Variants in PTPRF observed in about 807,000 individuals in gnomAD.
The protein encoded by PTPRF is receptor-type tyrosine-protein phosphatase F.
A neutral mutation model predicts 201.8 loss-of-function variants in PTPRF; 59 were observed. That is an observed-to-expected ratio of 0.29 (90% CI 0.24 to 0.36). The LOEUF is 0.36. PTPRF is among the 10% of genes least tolerant of loss of function. The pLI is 1.00. For synonymous variants in PTPRF, 1,088 were observed against 1,089.7 expected, an observed-to-expected ratio of 1.00 and a Z score of 0.03; for missense variants, 2,132 against 2,690.5, an observed-to-expected ratio of 0.79 and a Z score of 4.59.
intron 1 of PTPRF, chr1:43,532,715 T>G (rs1643712543): frequency 6.2e-5 from 1 of 16,004 alleles, no homozygotes; most frequent in Non-Finnish European, 1.9e-4. Context: ...TCAGGGAGCA[T>G]GAAAATCCCT....
intron 11 of PTPRF, among the ~76,000 whole-genome samples, chr1:43,596,255 A>T (rs957901375): frequency 2.0e-5 from 3 of 151,874 alleles, no homozygotes; most frequent in Non-Finnish European, 4.4e-5. Context: ...CTGCAAGGGG[A>T]TGTGAGAGCC....
chr1:43,540,276 T>C (rs929384135), intron 2 of PTPRF, among the ~76,000 whole-genome samples: 8 of 152,198 alleles, frequency 5.3e-5, no homozygotes, highest in African/African-American at 1.4e-4. Flanking sequence ...TGAGAACCTC[T>C]GGTCTACAGC....
rs1243550019 is a variant in PTPRF, at chr1:43,554,401, C to T, written c.379+460C>T. On this transcript the variant is annotated intron_variant, in intron 5 of 33. Coordinates refer to ENST00000359947, the MANE Select transcript of PTPRF (RefSeq NM_002840.5). The surrounding 1 kb of genome is among the most constrained non-coding windows in gnomAD (Gnocchi z 4.1). ...AGTGTCTTCTCTCACTTGGTGGCTT[C>T]TCCATTCATTCACAAACACTCCCTG... 3.3e-5 allele frequency among the ~76,000 whole-genome samples: 5 copies of T among 152,136 alleles called. No homozygotes were observed. Among genetic ancestry groups the T allele is most frequent in the African/African-American group, 1.2e-4 (5 of 41,426 alleles).
chr1:43,578,779 G>A (rs201734163), intron 6 of PTPRF, 31 bp from the exon 7 acceptor site: 39 of 1,554,020 alleles, frequency 2.5e-5, no homozygotes, highest in Admixed American at 6.7e-5. Flanking sequence ...GACATGGGCC[G>A]TGCCTGACCT....
chr1:43,557,868 T>C (rs1328598640), intron 5 of PTPRF, among the ~76,000 whole-genome samples: 1 of 152,150 alleles, frequency 6.6e-6, no homozygotes, highest in East Asian at 1.9e-4. Flanking sequence ...TGCTGACTTA[T>C]CCTGCTGGTC....
intron 6 of PTPRF, among the ~76,000 whole-genome samples, chr1:43,577,912 A>G (rs866854556): frequency 6.6e-6 from 1 of 152,140 alleles, no homozygotes. Context: ...TTTCACAAGC[A>G]GTTTTTTCAA....
At chr1:43,602,234 G>GT (rs1557823818) in intron 14 of PTPRF, 137 bp downstream of exon 14, 1 of 1,068,764 alleles carries the variant, frequency 9.4e-7, no homozygotes, top group East Asian at 2.5e-5. Context: ...GAAAATTGGC[G>GT]TTTAGACACA....
At chr1:43,560,507 A>AC (rs1645731415) in intron 5 of PTPRF, among the ~76,000 whole-genome samples, 1 of 152,080 alleles carries the variant, frequency 6.6e-6, no homozygotes, top group Non-Finnish European at 1.5e-5. Context: ...TGTGTGCCTT[A>AC]CAACCTGTGT....
chr1:43,564,703 C>A (rs530623509), intron 5 of PTPRF, among the ~76,000 whole-genome samples: 405 of 152,320 alleles, frequency 2.7e-3, no homozygotes, highest in Admixed American at 4.2e-3. Flanking sequence ...GTCAGGCTCA[C>A]AGACGGTGCC....
chr1:43,619,552 C>T lies in PTPRF; in HGVS notation c.4911C>T (p.Thr1637=), dbSNP rs149213099. The change falls in exon 28 of 34, where the codon ACC becomes ACT. Residue 1637 remains threonine, a synonymous_variant. Transcript: ENST00000359947. ...LGQVPPGESV[T]AMELEFKLLA... is the part of the protein sequence containing the mutation. ...AAGTGCCTCCAGGGGAGAGTGTGACCGCCATGGAGCTCGAGTTCAAGGTGG... is the reference window on the plus strand; with the variant it reads ...AAGTGCCTCCAGGGGAGAGTGTGACTGCCATGGAGCTCGAGTTCAAGGTGG... 2,013 of 1,612,592 alleles carry T rather than the reference C, an allele frequency of 1.2e-3. 4 individuals carry two copies. The highest frequency in any genetic ancestry group is 1.6e-3 in the Non-Finnish European group (1,863 of 1,178,830).
intron 5 of PTPRF, among the ~76,000 whole-genome samples, chr1:43,567,039 C>T (rs1646235652): frequency 6.6e-6 from 1 of 152,170 alleles, no homozygotes; most frequent in South Asian, 2.1e-4. Context: ...TTGTACTTCC[C>T]TTCCCTTCCC....
chr1:43,613,596 G>A lies in PTPRF; in HGVS notation c.3974-22G>A, dbSNP rs768738456. On this transcript the variant is annotated intron_variant, in intron 22 of 33. Transcript: ENST00000359947. Reference sequence around the variant, plus strand: ...CTCAAGCCTCACACTAATGCTGCCTGTGTATGCCCTACCTCCCCTAGGTAT... The same window carrying A: ...CTCAAGCCTCACACTAATGCTGCCTATGTATGCCCTACCTCCCCTAGGTAT... 5.0e-6 allele frequency: 8 copies of A among 1,592,814 alleles called. No individual in the cohort carries two copies. In the South Asian group the frequency reaches 7.7e-5, roughly 15 times the overall value.
intron 1 of PTPRF, among the ~76,000 whole-genome samples, chr1:43,532,410 G>T (rs888060701): frequency 1.3e-5 from 2 of 152,252 alleles, no homozygotes; most frequent in East Asian, 3.8e-4. Flanking sequence ...GGGCAGGGCC[G>T]GGAGGCTGGA....
intron 1 of PTPRF, among the ~76,000 whole-genome samples, chr1:43,535,295 A>T (rs1643934756): frequency 6.6e-6 from 1 of 151,442 alleles, no homozygotes; most frequent in East Asian, 1.9e-4. Context: ...TGCAGAAGAG[A>T]CTCCATGTTT....
chr1:43,545,698 G>A (rs1366296140), intron 3 of PTPRF, among the ~76,000 whole-genome samples: 1 of 152,116 alleles, frequency 6.6e-6, no homozygotes, highest in Non-Finnish European at 1.5e-5. Context: ...TCCTTTCATG[G>A]GGACCTTCTA....
At chr1:43,584,473 A>C (rs986654590) in intron 7 of PTPRF, among the ~76,000 whole-genome samples, 1 of 152,210 alleles carries the variant, frequency 6.6e-6, no homozygotes, top group Non-Finnish European at 1.5e-5. Context: ...AACAGTCATC[A>C]GCAGAGACAG....
At position 43,544,348 on chromosome 1, in the gene PTPRF, G is replaced by T. The variant is rs1644527989; in HGVS notation, c.-45-683G>T. Among the ~76,000 whole-genome samples the T allele has an allele frequency of 5.3e-5, 8 of 152,234 alleles. No homozygotes were observed. The South Asian group carries it at 1.7e-3, about 31-fold the overall frequency. On this transcript the variant is annotated intron_variant, in intron 2 of 33. Coordinates refer to ENST00000359947, the MANE Select transcript of PTPRF (RefSeq NM_002840.5). ...GGTGCCATGGGAATGGGTAGGACGA[G>T]GGTGGCCAGGCAGGGCAGCAGCAGC...
rs963496776 is a variant in PTPRF at position 43,613,712 on chromosome 1, T to C, written c.4068T>C (p.Tyr1356=). The change falls in exon 23 of 34, where the codon TAT becomes TAC. Residue 1356 remains tyrosine, a synonymous_variant. Coordinates refer to ENST00000359947, the MANE Select transcript of PTPRF (RefSeq NM_002840.5). The part of the protein sequence containing the change: ...ANDGLKFSQE[Y]ESIDPGQQFT... ...ATGGCCTCAAGTTCTCCCAGGAGTATGAGGTGAGATGTTCCCGCCCCCTAC... is the reference window on the plus strand; with the variant it reads ...ATGGCCTCAAGTTCTCCCAGGAGTACGAGGTGAGATGTTCCCGCCCCCTAC... The C allele has an allele frequency of 1.7e-5, 27 of 1,613,066 alleles. No individual in the cohort carries two copies. Among genetic ancestry groups the C allele is most frequent in the Non-Finnish European group, 2.1e-5 (25 of 1,179,224 alleles).
chr1:43,579,024 T>C, intron 7 of PTPRF, 104 bp downstream of exon 7: 1 of 1,016,042 alleles, frequency 9.8e-7, no homozygotes. Flanking sequence ...GGGACTGCCA[T>C]GGGCCCAGTC....
Sources: gnomAD v4.1 joint callset for allele counts (sites outside exome capture counted in the v4.1 genomes callset) on GRCh38, gnomAD v4.1.1 for gene constraint, Gnocchi (gnomAD v3.1) non-coding constraint, MANE v1.5 for transcripts, NCBI Gene and HGNC (gene_info 2026-07-23, HGNC 2026-07-21) for gene names.